The following SEC14L6 variants were observed in gnomAD, a reference collection of about 807,000 sequenced individuals.
The protein encoded by SEC14L6 is SEC14-like protein 6.
A neutral mutation model predicts 54.1 loss-of-function variants in SEC14L6; 40 were observed. That is an observed-to-expected ratio of 0.74 (90% CI 0.57 to 0.96). SEC14L6 has a LOEUF of 0.96. Ranked by LOEUF, SEC14L6 falls within the 40% of genes least tolerant of loss-of-function variation. The pLI, the probability that SEC14L6 is intolerant of heterozygous loss-of-function variation, is 0.00. For synonymous variants in SEC14L6, 171 were observed against 198.4 expected, an observed-to-expected ratio of 0.86 and a Z score of 1.16; for missense variants, 471 against 498.3, an observed-to-expected ratio of 0.95 and a Z score of 0.52.
intron 1 of SEC14L6, among the ~76,000 whole-genome samples, chr22:30,542,154 A>C (rs2085729771): frequency 6.6e-6 from 1 of 151,770 alleles, no homozygotes; most frequent in East Asian, 1.9e-4. Context: ...TCGCGACCCT[A>C]CCAGAAAGTC....
Position 30,546,617 on chromosome 22 carries a change from C to T in SEC14L6, c.54+12G>A. On this transcript the variant is annotated intron_variant, in intron 1 of 11. Coordinates refer to ENST00000402034, the MANE Select transcript of SEC14L6 (RefSeq NM_001193336.4). The stretch of plus-strand genomic sequence containing the variant: ...AACTGAGGCTGGTGTAGGAGTCTCT[C>T]CCTTCACTCACCTGGGCCAGCGACT... The T allele has an allele frequency of 6.5e-7, 1 of 1,549,810 alleles. No homozygotes were observed. The highest frequency in any genetic ancestry group is 8.7e-7 in the Non-Finnish European group (1 of 1,146,430).
intron 2 of SEC14L6, 130 bp downstream of exon 2, chr22:30,538,697 G>A (rs910970821): frequency 6.4e-5 from 42 of 659,106 alleles, no homozygotes; most frequent in African/African-American, 3.5e-4. Flanking sequence ...CAGAAATCAC[G>A]AGAGATAATA....
rs903941585 is a variant in SEC14L6 at position 30,523,671 on chromosome 22, A to C, written c.*1326T>G. 2.0e-5 allele frequency: 3 copies of C among 152,082 alleles called. No individual in the cohort carries two copies. Among genetic ancestry groups the C allele is most frequent in the African/African-American group, 4.8e-5 (2 of 41,392 alleles). 9.4% of individuals were successfully genotyped at this position (152,082 alleles called of 1,614,324 possible). Reference sequence around the variant, plus strand: ...CTGCACCTGGCCAGTTTGAAATCTTAATCAGGAGATTGGATGAAGATCCAG... The same window carrying C: ...CTGCACCTGGCCAGTTTGAAATCTTCATCAGGAGATTGGATGAAGATCCAG... On this transcript the variant is annotated 3_prime_UTR_variant, in exon 12 of 12. Transcript: ENST00000402034.
chr22:30,531,086 G>T (rs1159011312), intron 6 of SEC14L6, among the ~76,000 whole-genome samples: 3 of 152,040 alleles, frequency 2.0e-5, no homozygotes, highest in African/African-American at 7.3e-5. Context: ...AGAAGCTGTG[G>T]GTATGAAAAT....
chr22:30,532,332 G>T, intron 5 of SEC14L6, 193 bp downstream of exon 5: 1 of 962,974 alleles, frequency 1.0e-6, no homozygotes, highest in Non-Finnish European at 1.2e-6. Flanking sequence ...AATTGGGGGA[G>T]AAATGATTCC....
intron 1 of SEC14L6, among the ~76,000 whole-genome samples, chr22:30,541,343 T>C (rs1439293615): frequency 1.3e-5 from 2 of 152,256 alleles, no homozygotes; most frequent in African/African-American, 4.8e-5. Flanking sequence ...TGGTGTTTAA[T>C]TGCTTTTCAT....
intron 2 of SEC14L6, among the ~76,000 whole-genome samples, chr22:30,537,295 AGTT>A (rs1284143863): frequency 2.0e-5 from 3 of 152,070 alleles, no homozygotes; most frequent in South Asian, 2.1e-4. Flanking sequence ...ACTGAAACTG[AGTT>A]GTTATCTGAC....
chr22:30,543,960 G>A (rs187217042), intron 1 of SEC14L6: 57 of 1,605,988 alleles, frequency 3.5e-5, no homozygotes, highest in South Asian at 2.4e-4. Flanking sequence ...AGCCTGCGTC[G>A]GAGGACACCC....
In SEC14L6 at chr22:30,546,694, A is replaced by G. The variant is rs745421224; in HGVS notation, c.-12T>C. The G allele has an allele frequency of 1.7e-5, 26 of 1,550,000 alleles. No individual in the cohort carries two copies. Among genetic ancestry groups the G allele is most frequent in the Non-Finnish European group, 2.3e-5 (26 of 1,146,648 alleles). ...ACTTGTCCACTCATGCTGCCCATGAATGGGTCCAGGCTCCACTCTGTGGCT... is the reference window on the plus strand; with the variant it reads ...ACTTGTCCACTCATGCTGCCCATGAGTGGGTCCAGGCTCCACTCTGTGGCT... On this transcript the variant is annotated 5_prime_UTR_variant, in exon 1 of 12. Transcript: ENST00000402034.
chr22:30,529,740 G>A (rs1290403158), intron 6 of SEC14L6, among the ~76,000 whole-genome samples: 1 of 152,118 alleles, frequency 6.6e-6, no homozygotes, highest in East Asian at 1.9e-4. Context: ...CACCGCACCT[G>A]GCCTAGTGCC....
chr22:30,538,481 T>C (rs1212803051), intron 2 of SEC14L6, among the ~76,000 whole-genome samples: 1 of 152,190 alleles, frequency 6.6e-6, no homozygotes, highest in Non-Finnish European at 1.5e-5. Flanking sequence ...GTGAGGATGC[T>C]TGAGCAGGCC....
chr22:30,534,569 G>A (rs1291720382), intron 2 of SEC14L6, among the ~76,000 whole-genome samples: 1 of 151,638 alleles, frequency 6.6e-6, no homozygotes, highest in Non-Finnish European at 1.5e-5. Context: ...CCACCACCAC[G>A]CCTGGCTAAT....
intron 1 of SEC14L6, among the ~76,000 whole-genome samples, chr22:30,539,695 G>A (rs5753194): frequency 0.023 from 3,528 of 152,316 alleles, 97 homozygotes; most frequent in East Asian, 0.1. Flanking sequence ...GTCTTTGACC[G>A]TTCCCTCCCA....
At chr22:30,544,781 G>A (rs910851817) in intron 1 of SEC14L6, among the ~76,000 whole-genome samples, 3 of 152,142 alleles carry the variant, frequency 2.0e-5, no homozygotes, top group Admixed American at 2.0e-4. Flanking sequence ...TTCTAGACCT[G>A]AGCTTGCCCC....
At chr22:30,538,409 G>T (rs750459876) in intron 2 of SEC14L6, among the ~76,000 whole-genome samples, 3 of 152,074 alleles carry the variant, frequency 2.0e-5, no homozygotes, top group Non-Finnish European at 4.4e-5. Context: ...TTCACTGTAA[G>T]ATACCACCAC....
At chr22:30,528,422 C>CTTTTTTTTTTTTTTTTTTTTTTTTT (rs375073961) in intron 8 of SEC14L6, among the ~76,000 whole-genome samples, 1 of 105,520 alleles carries the variant, frequency 9.5e-6, no homozygotes, top group Non-Finnish European at 1.9e-5. Flanking sequence ...CGCTCGGCCT[C>CTTTTTTTTTTTTTTTTTTTTTTTTT]TTTTTTTTTT....
intron 6 of SEC14L6, among the ~76,000 whole-genome samples, chr22:30,531,664 T>C (rs1353288995): frequency 6.6e-6 from 1 of 151,868 alleles, no homozygotes; most frequent in Admixed American, 6.6e-5. Context: ...GTGAAGGTTG[T>C]AGTGAGCCGA....
chr22:30,531,435 A>G (rs60308761), intron 6 of SEC14L6, among the ~76,000 whole-genome samples: 28,704 of 143,852 alleles, frequency 0.2, 2,973 homozygotes, highest in Admixed American at 0.26. Context: ...GAAAAGAAAA[A>G]AAAAACGGGC....
At chr22:30,544,564 G>GA (rs371190563) in intron 1 of SEC14L6, among the ~76,000 whole-genome samples, 3,905 of 152,082 alleles carry the variant, frequency 0.026, 73 homozygotes, top group Middle Eastern at 0.078. Context: ...GGAAAAGCTG[G>GA]AAAAAAACTC....
Sources: gnomAD v4.1 joint callset for allele counts (sites outside exome capture counted in the v4.1 genomes callset) on GRCh38, gnomAD v4.1.1 for gene constraint, MANE v1.5 for transcripts, NCBI Gene and HGNC (gene_info 2026-07-23, HGNC 2026-07-21) for gene names.